The following DPP6 variants were observed in gnomAD, a reference collection of about 807,000 sequenced individuals.
The protein encoded by DPP6 is dipeptidyl peptidase like 6, also known as A-type potassium channel modulatory protein DPP6.
DPP6 carries 69 observed loss-of-function variants against 122.6 expected under a neutral mutation model. The ratio of observed to expected loss-of-function variants is 0.56; its 90% CI spans 0.46 to 0.69. The LOEUF (loss-of-function observed/expected upper bound fraction) is 0.69, where lower values mean the gene tolerates loss of function less well. Among genes scored for constraint, DPP6 ranks in the 30% least tolerant of loss-of-function variants. DPP6 has a pLI of 0.00. For synonymous variants in DPP6, 418 were observed against 433.1 expected (o/e 0.97, Z 0.43); for missense variants, 928 against 1,116.9 (o/e 0.83, Z 2.41).
At chr7:154,223,329 A>C (rs1339551039) in intron 1 of DPP6, among the ~76,000 whole-genome samples, 1 of 149,466 alleles carries the variant, frequency 6.7e-6, no homozygotes, top group East Asian at 1.9e-4. Context: ...CGTTTTGCAA[A>C]TATTCTTTAA....
At chr7:154,367,741 T>C (rs1232463539) in intron 1 of DPP6, among the ~76,000 whole-genome samples, 1 of 152,252 alleles carries the variant, frequency 6.6e-6, no homozygotes, top group African/African-American at 2.4e-5. Context: ...TAAGTGTAAA[T>C]ATAATTTCCT....
intron 1 of DPP6, among the ~76,000 whole-genome samples, chr7:154,268,614 T>G (rs959463920): frequency 6.6e-6 from 1 of 152,164 alleles, no homozygotes; most frequent in African/African-American, 2.4e-5. Context: ...CAGACCACAG[T>G]GACAGCCTAC....
chr7:154,859,756 T>TA (rs570966364), intron 17 of DPP6, among the ~76,000 whole-genome samples: 127 of 152,280 alleles, frequency 8.3e-4, no homozygotes, highest in African/African-American at 2.5e-3. Context: ...GGTACTGGGA[T>TA]AAAAAAACCA....
At chr7:154,118,961 G>A (rs938521158) in intron 1 of DPP6, among the ~76,000 whole-genome samples, 4 of 150,926 alleles carry the variant, frequency 2.7e-5, no homozygotes, top group African/African-American at 9.8e-5. Context: ...CCGACTGGTT[G>A]GAATAATAAT....
At chr7:154,054,506 G>T (rs1800653036) in intron 1 of DPP6, among the ~76,000 whole-genome samples, 1 of 152,142 alleles carries the variant, frequency 6.6e-6, no homozygotes, top group Non-Finnish European at 1.5e-5. Flanking sequence ...ACCCCCTACA[G>T]CCCTGCGTCA....
chr7:154,066,047 T>G (rs557676940), intron 1 of DPP6, among the ~76,000 whole-genome samples: 4 of 148,200 alleles, frequency 2.7e-5, no homozygotes, highest in Admixed American at 6.9e-5. Flanking sequence ...AGATTTGTTT[T>G]TTTTTTTTTT....
At chr7:154,237,007 C>CA (rs1186662603) in intron 1 of DPP6, among the ~76,000 whole-genome samples, 1 of 152,154 alleles carries the variant, frequency 6.6e-6, no homozygotes, top group Non-Finnish European at 1.5e-5. Context: ...TCCTCTCTGT[C>CA]AAAACCCACA....
At chr7:154,233,793 C>G (rs534497695) in intron 1 of DPP6, among the ~76,000 whole-genome samples, 2 of 152,282 alleles carry the variant, frequency 1.3e-5, no homozygotes, top group African/African-American at 4.8e-5. Flanking sequence ...TTTAAGCCAC[C>G]TGATCTGTAG....
intron 1 of DPP6, among the ~76,000 whole-genome samples, chr7:153,924,610 G>T (rs1035187046): frequency 2.6e-5 from 4 of 152,178 alleles, no homozygotes; most frequent in South Asian, 2.1e-4. Context: ...TGGGAATGTG[G>T]ATCTGCTTTT....
chr7:153,896,704 T>C (rs923290322), intron 1 of DPP6, among the ~76,000 whole-genome samples: 2 of 152,198 alleles, frequency 1.3e-5, no homozygotes, highest in African/African-American at 2.4e-5. Flanking sequence ...TCCTAGCTAC[T>C]GAGGAGGCTG....
chr7:154,411,231 A>G (rs1012713894), intron 1 of DPP6, among the ~76,000 whole-genome samples: 4 of 152,118 alleles, frequency 2.6e-5, no homozygotes, highest in African/African-American at 7.2e-5. Flanking sequence ...CCTCCTCTTC[A>G]ATTGTTAAAA....
intron 1 of DPP6, among the ~76,000 whole-genome samples, chr7:154,005,042 GA>G (rs71276699): frequency 1.0e-4 from 15 of 146,236 alleles, no homozygotes; most frequent in East Asian, 4.0e-4. Context: ...AATCAGACCT[GA>G]AAAAAAAAAG....
chr7:154,546,130 A>T (rs1829162546), intron 4 of DPP6, among the ~76,000 whole-genome samples: 1 of 152,182 alleles, frequency 6.6e-6, no homozygotes, highest in Non-Finnish European at 1.5e-5. Flanking sequence ...ATAAAATATG[A>T]TGTATTCATT....
At chr7:154,652,714 T>G (rs909751985) in intron 6 of DPP6, among the ~76,000 whole-genome samples, 1 of 152,118 alleles carries the variant, frequency 6.6e-6, no homozygotes, top group South Asian at 2.1e-4. Context: ...TGCAGCTCAT[T>G]GAGACCCAGA....
chr7:154,704,206 T>C (rs1202634508), intron 7 of DPP6, among the ~76,000 whole-genome samples: 2 of 152,190 alleles, frequency 1.3e-5, no homozygotes. Context: ...AACAGCAAGA[T>C]AACTAGAATT....
intron 4 of DPP6, among the ~76,000 whole-genome samples, chr7:154,554,837 A>G (rs1050136962): frequency 1.3e-5 from 2 of 152,234 alleles, no homozygotes; most frequent in African/African-American, 2.4e-5. Flanking sequence ...AATGATTACA[A>G]CAGCATTTAA....
At chr7:154,853,413 T>C (rs1584897850) in intron 16 of DPP6, among the ~76,000 whole-genome samples, 1 of 152,216 alleles carries the variant, frequency 6.6e-6, no homozygotes. Context: ...GAGGCTTGAG[T>C]AATTTATAAG....
intron 1 of DPP6, among the ~76,000 whole-genome samples, chr7:154,266,515 G>C (rs748026170): frequency 1.1e-4 from 16 of 152,190 alleles, no homozygotes; most frequent in Non-Finnish European, 2.1e-4. Context: ...GGAGGCAGAG[G>C]TTGCAGTGAG....
chr7:153,803,460 C>G, the DPP6 span, among the ~76,000 whole-genome samples: 2 of 151,486 alleles, frequency 1.3e-5, no homozygotes, highest in Non-Finnish European at 2.9e-5. Flanking sequence ...TCTGCCCCTG[C>G]CTACCTGCCT....
Sources: allele counts gnomAD v4.1 joint callset (sites outside exome capture counted in the v4.1 genomes callset), GRCh38; gene constraint gnomAD v4.1.1; transcripts MANE v1.5; gene names NCBI Gene and HGNC (gene_info 2026-07-23, HGNC 2026-07-21).